GMIP: variants seen among roughly 807,000 people sequenced by gnomAD.
GMIP encodes GEM-interacting protein.
Under a neutral mutation model 105.3 loss-of-function variants are expected in GMIP, and 54 were observed. The observed-to-expected ratio is 0.51, with a 90% CI of 0.41 to 0.64. The LOEUF (loss-of-function observed/expected upper bound fraction) is 0.64, where lower values mean the gene tolerates loss of function less well. Among genes scored for constraint, GMIP ranks in the 30% least tolerant of loss-of-function variants. The pLI, the probability that GMIP is intolerant of heterozygous loss-of-function variation, is 0.00. For synonymous variants in GMIP, 541 were observed against 560.8 expected, an observed-to-expected ratio of 0.96 and a Z score of 0.50; for missense variants, 1,110 against 1,319.4, an observed-to-expected ratio of 0.84 and a Z score of 2.46.
rs777848515 is a variant in GMIP, at chr19:19,637,859, G to A, written c.927+61C>T. ...CCAGGGTGGCTTAGGGGCGAGGAGT[G>A]GGGCACTCAGTCGGGGCCCCAACGG... On this transcript the variant is annotated intron_variant, in intron 10 of 20. Transcript: ENST00000203556. The surrounding 1 kb of genome is among the most constrained non-coding windows in gnomAD (Gnocchi z 6.7). 4.6e-6 allele frequency: 7 copies of A among 1,524,708 alleles called. No individual in the cohort carries two copies. The highest frequency in any genetic ancestry group is 5.3e-6 in the Non-Finnish European group (6 of 1,126,198). 94.4% of individuals were successfully genotyped at this position (1,524,708 alleles called of 1,614,324 possible).
intron 2 of GMIP, 26 bp downstream of exon 2, chr19:19,642,509 T>C (rs1568420614): frequency 1.3e-6 from 2 of 1,495,988 alleles, no homozygotes; most frequent in Admixed American, 1.7e-5. Context: ...TGGCAGGATT[T>C]GGGGGTGATC....
In GMIP at chr19:19,638,427, T is replaced by C. The variant is rs1438963710; in HGVS notation, c.593A>G (p.Gln198Arg). The C allele has an allele frequency of 1.9e-6, 3 of 1,614,164 alleles. No individual in the cohort carries two copies. The East Asian group carries it at 6.7e-5, about 36-fold the overall frequency. The stretch of plus-strand genomic sequence containing the variant: ...CATCCGCTTCTGCTCCTTCATCCAC[T>C]GCTCCTTGAACTCCTTCCGCCACTT... ...IEKWRKEFKE[Q>R]WMKEQKRMNE... Residue 198 changes from glutamine to arginine, a missense_variant, in exon 8 of 21, where the codon CAG becomes CGG. Gln to Arg is a conservative substitution (Grantham distance 43, BLOSUM62 1). Transcript: ENST00000203556.
chr19:19,639,515 T>C (rs1004740872), intron 7 of GMIP, among the ~76,000 whole-genome samples: 3 of 152,014 alleles, frequency 2.0e-5, no homozygotes, highest in African/African-American at 7.2e-5. Flanking sequence ...GCTTTCCTCC[T>C]GAGAACACTC....
At position 19,634,567 on chromosome 19, in the gene GMIP, A is replaced by T; in HGVS notation, c.2024T>A (p.Leu675Ter). The T allele has an allele frequency of 6.2e-7, 1 of 1,613,620 alleles. No homozygotes were observed. The highest frequency in any genetic ancestry group is 8.5e-7 in the Non-Finnish European group (1 of 1,179,852). Residue 675 changes from leucine to a stop codon, truncating the protein, a stop_gained, in exon 18 of 21, where the codon TTG (leucine) becomes TAG (stop). Coordinates refer to ENST00000203556, the MANE Select transcript of GMIP (RefSeq NM_016573.4). LOFTEE classifies it high-confidence loss of function. This position sits in a 1 kb window ranked among gnomAD's most constrained non-coding sequence, Gnocchi z 6.1. The part of the protein sequence containing the change: ...PEVIRSLKTL[L>*]VQLPDSNYNT... ...GTAGTTAGAGTCAGGCAGCTGTACCAAGAGGGTCTTCAGCGAGCGGATAAC... is the reference window on the plus strand; with the variant it reads ...GTAGTTAGAGTCAGGCAGCTGTACCTAGAGGGTCTTCAGCGAGCGGATAAC...
chr19:19,639,467 T>A (rs1201421427), intron 7 of GMIP, among the ~76,000 whole-genome samples: 1 of 152,000 alleles, frequency 6.6e-6, no homozygotes, highest in East Asian at 1.9e-4. Flanking sequence ...TCTCATGTAG[T>A]CACCCCATCC....
At chr19:19,639,306 C>T (rs2061893276) in intron 7 of GMIP, among the ~76,000 whole-genome samples, 1 of 150,754 alleles carries the variant, frequency 6.6e-6, no homozygotes, top group Admixed American at 6.6e-5. Context: ...GTCTCAAACT[C>T]CTGGGCTCAA....
chr19:19,637,966 G>C lies in GMIP; in HGVS notation c.881C>G (p.Ser294Trp), dbSNP rs1006812756. 1.2e-6 allele frequency: 2 copies of C among 1,610,950 alleles called. No homozygotes were observed. The highest frequency in any genetic ancestry group is 2.7e-5 in the African/African-American group (2 of 74,768). ...DLEIAKQRIVSHVRKLVFQGD... is the reference protein window; with the variant it reads ...DLEIAKQRIVWHVRKLVFQGD... ...CTGAAACACCAGCTTGCGCACGTGC[G>C]ACACGATTCGCTGCTTGGCGATCTC... is the stretch of plus-strand genomic sequence containing the variant. The change falls in exon 10 of 21, where the codon TCG becomes TGG. Residue 294 changes from serine to tryptophan, a missense_variant. Physicochemically the swap from Ser to Trp is radical, Grantham distance 177 (BLOSUM62 -3). Around this residue, in one of 3 missense-constraint regions of GMIP, gnomAD observed 667 missense variants for 773.2 expected, o/e 0.86. Coordinates refer to ENST00000203556, the MANE Select transcript of GMIP (RefSeq NM_016573.4). The surrounding 1 kb of genome is among the most constrained non-coding windows in gnomAD (Gnocchi z 6.7).
rs892089126 is a variant in GMIP, at chr19:19,637,076, G to A, written c.1125-47C>T. The A allele has an allele frequency of 8.6e-6, 11 of 1,281,576 alleles. No individual in the cohort carries two copies. Among genetic ancestry groups the A allele is most frequent in the Non-Finnish European group, 1.2e-5 (11 of 903,714 alleles). The allele number at this position is 1,281,576 out of a possible 1,614,324, so 79.4% of individuals were successfully genotyped here. A position where few individuals can be genotyped will look rare whatever the true frequency, so the allele number is the denominator to read the frequency against. On this transcript the variant is annotated intron_variant, in intron 11 of 20. Coordinates refer to ENST00000203556, the MANE Select transcript of GMIP (RefSeq NM_016573.4). The surrounding 1 kb of genome is among the most constrained non-coding windows in gnomAD (Gnocchi z 6.7). ...GGTTTGAATCCCAGGAAACTGGCCTGGGGTGATGGCACCCAGGCATCATGT... is the reference window on the plus strand; with the variant it reads ...GGTTTGAATCCCAGGAAACTGGCCTAGGGTGATGGCACCCAGGCATCATGT...
chr19:19,638,233 C>G lies in GMIP; in HGVS notation c.715G>C (p.Ala239Pro), dbSNP rs2061878447. 1.2e-6 allele frequency: 2 copies of G among 1,600,614 alleles called. No homozygotes were observed. Residue 239 changes from alanine (A) to proline (P), a missense_variant, in exon 9 of 21, where the codon GCC (alanine) becomes CCC (proline). Ala to Pro is a conservative substitution (Grantham distance 27). Coordinates refer to ENST00000203556, the MANE Select transcript of GMIP (RefSeq NM_016573.4). The part of the protein sequence containing the change: ...ARSQGSPEDS[A>P]PQASPGPSKQ... ...CTAGGTCCCGGCGAGGCCTGGGGGG[C>G]CGAGTCCTCAGGGGACCCCTGGGAG... is the stretch of plus-strand genomic sequence containing the variant.
Position 19,638,467 on chromosome 19 carries a change from G to A in GMIP, c.553C>T (p.Arg185Trp). 20 of 1,614,000 alleles carry A rather than the reference G, an allele frequency of 1.2e-5. No homozygotes were observed. The highest frequency in any genetic ancestry group is 1.6e-5 in the Non-Finnish European group (19 of 1,179,970). Residue 185 changes from arginine (R) to tryptophan (W), a missense_variant, in exon 8 of 21, where the codon CGG becomes TGG. Around this residue, in one of 3 missense-constraint regions of GMIP, gnomAD observed 667 missense variants for 773.2 expected, o/e 0.86. Transcript: ENST00000203556. ...TTCCGCCACTTCTCAATCTCAGTCC[G>A]TTTGGCGGCGAGGGGCTGGCAAGGG... The part of the protein sequence containing the change: ...RDYYQPLAAK[R>W]TEIEKWRKEF...
chr19:19,630,089 C>T lies in GMIP; in HGVS notation c.2787G>A (p.Pro929=), dbSNP rs531697199. ...SPEGSPLRRT[P]LPKHFEITQE... is the part of the protein sequence containing the mutation. ...GGGTAATCTCAAAATGCTTGGGCAG[C>T]GGGGTGCGGCGCAGGGGGCTGCCCT... The change falls in exon 21 of 21, where the codon CCG becomes CCA. Residue 929 remains proline (P), a synonymous_variant. Coordinates refer to ENST00000203556, the MANE Select transcript of GMIP (RefSeq NM_016573.4). This position sits in a 1 kb window ranked among gnomAD's most constrained non-coding sequence, Gnocchi z 4.8. 24 of 1,610,202 alleles carry T rather than the reference C, an allele frequency of 1.5e-5. No individual in the cohort carries two copies. In the East Asian group the frequency reaches 2.2e-4, roughly 15 times the overall value.
In GMIP at chr19:19,630,372, C is replaced by T; in HGVS notation, c.2540-36G>A. On this transcript the variant is annotated intron_variant, in intron 20 of 20. Coordinates refer to ENST00000203556, the MANE Select transcript of GMIP (RefSeq NM_016573.4). The surrounding 1 kb of genome is among the most constrained non-coding windows in gnomAD (Gnocchi z 4.8). Reference sequence around the variant, plus strand: ...GGTGGGTGGTCAGTGCAGAGCACCTCCAAGTTCTCTGTATATCCCCCCAGG... The same window carrying T: ...GGTGGGTGGTCAGTGCAGAGCACCTTCAAGTTCTCTGTATATCCCCCCAGG... 6.4e-7 allele frequency: 1 copy of T among 1,563,160 alleles called. No individual in the cohort carries two copies. Among genetic ancestry groups the T allele is most frequent in the Non-Finnish European group, 8.6e-7 (1 of 1,157,518 alleles).
rs2061827107 is a variant in GMIP at position 19,634,262 on chromosome 19, A to C, written c.2085-72T>G. The C allele has an allele frequency of 6.9e-7, 1 of 1,451,834 alleles. No individual in the cohort carries two copies. The highest frequency in any genetic ancestry group is 1.4e-5 in the African/African-American group (1 of 71,098). 89.9% of individuals were successfully genotyped at this position (1,451,834 alleles called of 1,614,324 possible). Reference sequence around the variant, plus strand: ...ATTGGTCTGAGGGTAAGGGTGGGACACGCAGGCCAGCCTAGAGGTGACTTG... The same window carrying C: ...ATTGGTCTGAGGGTAAGGGTGGGACCCGCAGGCCAGCCTAGAGGTGACTTG... On this transcript the variant is annotated intron_variant, in intron 18 of 20. Coordinates refer to ENST00000203556, the MANE Select transcript of GMIP (RefSeq NM_016573.4). This position sits in a 1 kb window ranked among gnomAD's most constrained non-coding sequence, Gnocchi z 6.1.
intron 4 of GMIP, among the ~76,000 whole-genome samples, chr19:19,641,576 T>C (rs2061919564): frequency 6.6e-6 from 1 of 152,168 alleles, no homozygotes; most frequent in Admixed American, 6.5e-5. Context: ...TTGGTAGGGA[T>C]GGTGTCTTAC....
chr19:19,636,621 A>G, intron 13 of GMIP, 86 bp downstream of exon 13: 1 of 941,066 alleles, frequency 1.1e-6, no homozygotes, highest in Non-Finnish European at 1.8e-6. Flanking sequence ...GGTCAAAGAT[A>G]GTTAAAGATT....
chr19:19,638,550 C>T (rs1285767586), intron 7 of GMIP, 68 bp from the exon 8 acceptor site: 2 of 1,301,952 alleles, frequency 1.5e-6, no homozygotes, highest in Non-Finnish European at 2.2e-6. Flanking sequence ...CCACCCAGTC[C>T]TTCCATTCCT....
chr19:19,636,214 A>G (rs545219520), intron 13 of GMIP, among the ~76,000 whole-genome samples: 105 of 150,644 alleles, frequency 7.0e-4, no homozygotes, highest in Non-Finnish European at 1.1e-3. Flanking sequence ...AAAAAAAAAA[A>G]AAAGAAAGAA....
Position 19,634,769 on chromosome 19 carries a change from C to A in GMIP, c.1887+23G>T, listed in dbSNP as rs375847410. 8.1e-5 allele frequency: 131 copies of A among 1,612,674 alleles called. No individual in the cohort carries two copies. The African/African-American group carries it at 1.6e-3, about 20-fold the overall frequency. On this transcript the variant is annotated intron_variant, in intron 17 of 20. Coordinates refer to ENST00000203556, the MANE Select transcript of GMIP (RefSeq NM_016573.4). This position sits in a 1 kb window ranked among gnomAD's most constrained non-coding sequence, Gnocchi z 6.1. ...CTGTGGAGGGCTCCTGCCCGCGTCC[C>A]CCTCAGTGTCCTGAGCACCAACCTC...
intron 4 of GMIP, 42 bp from the exon 5 acceptor site, chr19:19,640,613 T>G (rs371826154): frequency 1.4e-5 from 23 of 1,609,926 alleles, no homozygotes; most frequent in African/African-American, 2.7e-5. Context: ...CACCCTAGTC[T>G]GCTATGGATG....
Sources: allele counts gnomAD v4.1 joint callset (sites outside exome capture counted in the v4.1 genomes callset), GRCh38; gene constraint gnomAD v4.1.1; regional missense constraint gnomAD v4.1.1; non-coding constraint Gnocchi (gnomAD v3.1); transcripts MANE v1.5; gene names NCBI Gene and HGNC (gene_info 2026-07-23, HGNC 2026-07-21).